Variants in STPG2 observed in about 807,000 individuals in gnomAD.
STPG2 encodes the protein sperm-tail PG-rich repeat-containing protein 2.
STPG2 carries 56 observed loss-of-function variants against 54.2 expected under a neutral mutation model. The observed-to-expected ratio is 1.03, with a 90% CI of 0.83 to 1.29. The LOEUF is 1.29. STPG2 is among the 50% of genes most tolerant of loss of function. The pLI, the probability that STPG2 is intolerant of heterozygous loss-of-function variation, is 0.00. For missense variants in STPG2, 596 were observed against 544.9 expected (o/e 1.09, Z -0.93); for synonymous variants, 200 against 181.8 (o/e 1.10, Z -0.81).
intron 4 of STPG2, among the ~76,000 whole-genome samples, chr4:97,541,202 A>T (rs538184139): frequency 3.3e-5 from 5 of 152,148 alleles, no homozygotes; most frequent in Admixed American, 6.5e-5. Context: ...AGATGACATG[A>T]TTGTATATCT....
chr4:97,730,427 A>C (rs1724760980), intron 9 of STPG2, among the ~76,000 whole-genome samples: 1 of 152,102 alleles, frequency 6.6e-6, no homozygotes, highest in South Asian at 2.1e-4. Context: ...GATTGATTCC[A>C]TGTTTTTGCT....
intron 4 of STPG2, among the ~76,000 whole-genome samples, chr4:97,483,430 T>C (rs1013064929): frequency 6.6e-6 from 1 of 151,770 alleles, no homozygotes; most frequent in Non-Finnish European, 1.5e-5. Flanking sequence ...GCTATTCTTA[T>C]GTAAGAGAAA....
At chr4:97,733,804 T>A (rs1181572341) in intron 9 of STPG2, among the ~76,000 whole-genome samples, 1 of 152,120 alleles carries the variant, frequency 6.6e-6, no homozygotes, top group Non-Finnish European at 1.5e-5. Context: ...CACTTCTCTA[T>A]CCACTTTCAA....
chr4:98,018,877 T>C (rs28873412), intron 5 of STPG2, among the ~76,000 whole-genome samples: 59,562 of 150,870 alleles, frequency 0.39, 12,017 homozygotes, highest in Middle Eastern at 0.46. Context: ...TTGTTTTTTT[T>C]TTGTAAATTT....
At chr4:97,908,342 A>G (rs1306790272) in intron 8 of STPG2, among the ~76,000 whole-genome samples, 1 of 151,674 alleles carries the variant, frequency 6.6e-6, no homozygotes, top group Admixed American at 6.6e-5. Flanking sequence ...TTAGAATGGC[A>G]ATCATTAAAA....
chr4:97,993,544 T>A (rs1042666849), intron 5 of STPG2, among the ~76,000 whole-genome samples: 1 of 137,044 alleles, frequency 7.3e-6, no homozygotes, highest in East Asian at 2.2e-4. Flanking sequence ...TTTTCTTTTC[T>A]ATTTTTTTTT....
intron 8 of STPG2, among the ~76,000 whole-genome samples, chr4:97,936,275 C>T (rs1209010329): frequency 6.6e-6 from 1 of 152,118 alleles, no homozygotes; most frequent in Non-Finnish European, 1.5e-5. Context: ...GTGTGTCTTT[C>T]TGCATGAGAT....
chr4:97,899,539 G>A (rs1731094454), intron 8 of STPG2, among the ~76,000 whole-genome samples: 2 of 151,652 alleles, frequency 1.3e-5, no homozygotes, highest in South Asian at 4.2e-4. Context: ...AAAGAACAAA[G>A]CTGGAGGCAT....
chr4:97,596,030 C>T (rs982990403), intron 10 of STPG2, among the ~76,000 whole-genome samples: 3 of 152,116 alleles, frequency 2.0e-5, no homozygotes, highest in Admixed American at 6.6e-5. Context: ...ATCCACCTCA[C>T]ATGCAATAAC....
At chr4:97,939,286 CTT>C (rs1025509378) in intron 8 of STPG2, among the ~76,000 whole-genome samples, 1 of 150,030 alleles carries the variant, frequency 6.7e-6, no homozygotes, top group Non-Finnish European at 1.5e-5. Flanking sequence ...TATATATTCT[CTT>C]GTTTGGGGGT....
At chr4:97,940,886 T>C (rs1732952353) in intron 8 of STPG2, among the ~76,000 whole-genome samples, 1 of 152,162 alleles carries the variant, frequency 6.6e-6, no homozygotes, top group South Asian at 2.1e-4. Context: ...ATTTTCACTT[T>C]ACTTTGTCTA....
intron 8 of STPG2, among the ~76,000 whole-genome samples, chr4:97,866,537 T>A (rs941133999): frequency 1.4e-5 from 2 of 147,074 alleles, no homozygotes; most frequent in Non-Finnish European, 3.0e-5. Context: ...TTGAAAAAAA[T>A]CTGTTTTCTT....
chr4:97,457,733 G>A (rs1044918548), intron 4 of STPG2, among the ~76,000 whole-genome samples: 6 of 152,184 alleles, frequency 3.9e-5, no homozygotes, highest in Non-Finnish European at 8.8e-5. Flanking sequence ...CAAATAATAC[G>A]TGAAAGTAGA....
chr4:97,940,571 T>C (rs1732938413), intron 8 of STPG2, among the ~76,000 whole-genome samples: 2 of 152,204 alleles, frequency 1.3e-5, no homozygotes, highest in African/African-American at 4.8e-5. Context: ...TAAGATTCTT[T>C]ACACAGCTTG....
intron 10 of STPG2, among the ~76,000 whole-genome samples, chr4:97,656,723 G>C (rs1057035822): frequency 6.7e-6 from 1 of 150,356 alleles, no homozygotes; most frequent in African/African-American, 2.4e-5. Flanking sequence ...TCGAATACTA[G>C]TATTGTGCAT....
At chr4:97,771,969 T>C (rs1218666207) in intron 9 of STPG2, among the ~76,000 whole-genome samples, 1 of 152,206 alleles carries the variant, frequency 6.6e-6, no homozygotes, top group African/African-American at 2.4e-5. Flanking sequence ...CTGTACATTC[T>C]GAATGGATGG....
At chr4:97,526,496 TA>T (rs1352440493) in intron 4 of STPG2, among the ~76,000 whole-genome samples, 1 of 152,064 alleles carries the variant, frequency 6.6e-6, no homozygotes, top group East Asian at 1.9e-4. Context: ...AGTGTCCGTT[TA>T]TATCCTATGT....
intron 8 of STPG2, among the ~76,000 whole-genome samples, chr4:97,936,681 T>C (rs1223630578): frequency 6.6e-6 from 1 of 152,210 alleles, no homozygotes; most frequent in African/African-American, 2.4e-5. Flanking sequence ...AAAATTCTTT[T>C]CTTTAAGAAT....
intron 8 of STPG2, among the ~76,000 whole-genome samples, chr4:97,864,485 G>A (rs1433355430): frequency 1.3e-5 from 2 of 152,108 alleles, no homozygotes; most frequent in Non-Finnish European, 2.9e-5. Flanking sequence ...TGGATAGGAA[G>A]AATCAATATC....
Sources: allele counts gnomAD v4.1 joint callset (sites outside exome capture counted in the v4.1 genomes callset), GRCh38; gene constraint gnomAD v4.1.1; transcripts MANE v1.5; gene names NCBI Gene and HGNC (gene_info 2026-07-23, HGNC 2026-07-21).